The following ARHGEF6 variants were observed in gnomAD, a reference collection of about 807,000 sequenced individuals.
The protein encoded by ARHGEF6 is Rac/Cdc42 guanine nucleotide exchange factor 6.
Under a neutral mutation model 70.3 loss-of-function variants are expected in ARHGEF6, and 9 were observed. The ratio of observed to expected loss-of-function variants is 0.13; its 90% CI spans 0.08 to 0.22. ARHGEF6 has a LOEUF of 0.22. Ranked by LOEUF, ARHGEF6 falls within the 10% of genes least tolerant of loss-of-function variation. ARHGEF6 has a pLI of 1.00. For missense variants in ARHGEF6, 470 were observed against 563.0 expected (o/e 0.83, Z 1.67); for synonymous variants, 201 against 207.8 (o/e 0.97, Z 0.28).
At chrX:136,773,456 G>A (rs748804879) in intron 2 of ARHGEF6, among the ~76,000 whole-genome samples, 3 of 111,995 alleles carry the variant, frequency 2.7e-5, no homozygotes, top group African/African-American at 6.5e-5. Context: ...TGGCTGCTTC[G>A]TGCTCCCCAG....
chrX:136,671,226 T>C, intron 20 of ARHGEF6, among the ~76,000 whole-genome samples: 1 of 112,118 alleles, frequency 8.9e-6, no homozygotes, highest in Non-Finnish European at 1.9e-5. Flanking sequence ...GTCACACAGC[T>C]AATGAGTAGC....
intron 6 of ARHGEF6, among the ~76,000 whole-genome samples, chrX:136,728,949 G>C (rs1032018282): frequency 9.5e-6 from 1 of 105,618 alleles, no homozygotes; most frequent in African/African-American, 3.5e-5. Context: ...TGAGACAGTA[G>C]AGTGTGGAAT....
At chrX:136,699,219 TAAC>T (rs2076541052) in intron 9 of ARHGEF6, among the ~76,000 whole-genome samples, 1 of 110,875 alleles carries the variant, frequency 9.0e-6, no homozygotes, top group African/African-American at 3.3e-5. Flanking sequence ...ATAATAATAA[TAAC>T]AAAAAGGGAA....
intron 9 of ARHGEF6, among the ~76,000 whole-genome samples, chrX:136,701,698 TTTTC>T (rs2076572398): frequency 2.9e-5 from 3 of 104,697 alleles, no homozygotes; most frequent in Non-Finnish European, 5.9e-5. Context: ...AATATTTCAT[TTTTC>T]TTTTTTTTTT....
At chrX:136,727,373 CTTTCTTTCTTTCTTTCTT>C (rs1569410936) in intron 6 of ARHGEF6, among the ~76,000 whole-genome samples, 5 of 70,075 alleles carry the variant, frequency 7.1e-5, no homozygotes, top group South Asian at 8.7e-4. Context: ...TTCTTTCTTT[CTTTCTTTCTTTCTTTCTT>C]TCTTTCTCTC....
intron 3 of ARHGEF6, among the ~76,000 whole-genome samples, chrX:136,746,131 T>C (rs2077093227): frequency 1.8e-5 from 2 of 112,344 alleles, no homozygotes; most frequent in Admixed American, 9.4e-5. Flanking sequence ...AGTAATTTCC[T>C]TGATGCTGTG....
At chrX:136,695,943 T>C (rs916419303) in intron 9 of ARHGEF6, among the ~76,000 whole-genome samples, 1 of 111,805 alleles carries the variant, frequency 8.9e-6, no homozygotes, top group African/African-American at 3.3e-5. Context: ...TATTTTATAC[T>C]TTTTTTCCTA....
intron 7 of ARHGEF6, 140 bp downstream of exon 7, chrX:136,713,136 G>T (rs1885082205): frequency 3.8e-6 from 2 of 519,772 alleles, no homozygotes; most frequent in Admixed American, 5.4e-5. Context: ...CTGTTGCCCT[G>T]ACCATGTTCT....
intron 20 of ARHGEF6, among the ~76,000 whole-genome samples, chrX:136,671,720 C>T (rs774725582): frequency 4.4e-5 from 5 of 112,450 alleles, no homozygotes; most frequent in Non-Finnish European, 5.6e-5. Context: ...TAAACCCATC[C>T]AGGGCATTGA....
Position 136,675,034 on chromosome X carries a change from C to T in ARHGEF6, c.2008G>A (p.Ala670Thr), listed in dbSNP as rs775500896. Residue 670 changes from alanine (A) to threonine (T), a missense_variant, in exon 19 of 22, where the codon GCA (alanine) becomes ACA (threonine). This residue lies in a region of ARHGEF6 where 88 missense variants were observed against 95.5 expected (regional missense o/e 0.92). Coordinates refer to ENST00000250617, the MANE Select transcript of ARHGEF6 (RefSeq NM_004840.3). ...GAGCCATGGCCTTGTTGAAAATTTGCGCTGGTGCAGTAGGCTTCGATCACT... is the reference window on the plus strand; with the variant it reads ...GAGCCATGGCCTTGTTGAAAATTTGTGCTGGTGCAGTAGGCTTCGATCACT... ...LKVIEAYCTS[A>T]NFQQGHGSST... 1 of 1,211,171 alleles carries T rather than the reference C, an allele frequency of 8.3e-7. No individual in the cohort carries two copies. The highest frequency in any genetic ancestry group is 1.8e-5 in the South Asian group (1 of 56,925).
chrX:136,736,618 G>GGTGTGT (rs1556295145), intron 5 of ARHGEF6, among the ~76,000 whole-genome samples: 10 of 103,707 alleles, frequency 9.6e-5, no homozygotes, highest in African/African-American at 2.1e-4. Context: ...GTTAAAAAGA[G>GGTGTGT]GTGTGTGTGT....
At chrX:136,745,767 C>T (rs1251751521) in intron 3 of ARHGEF6, among the ~76,000 whole-genome samples, 2 of 111,926 alleles carry the variant, frequency 1.8e-5, no homozygotes, top group Admixed American at 9.5e-5. Flanking sequence ...ATTTCTTACT[C>T]ACACGTAACA....
chrX:136,729,220 C>T (rs1054953104), intron 6 of ARHGEF6, among the ~76,000 whole-genome samples: 2 of 107,116 alleles, frequency 1.9e-5, no homozygotes, highest in Non-Finnish European at 3.9e-5. Flanking sequence ...GTAATCCCAG[C>T]GCTTTGGGAA....
chrX:136,758,028 A>ATTT (rs1569421949), intron 2 of ARHGEF6, among the ~76,000 whole-genome samples: 26 of 29,709 alleles, frequency 8.8e-4, no homozygotes, highest in Non-Finnish European at 1.3e-3. Context: ...CTAAAAATAA[A>ATTT]TTCTTTTTTT....
chrX:136,713,488 T>C (rs1256684286), intron 6 of ARHGEF6, 118 bp from the exon 7 acceptor site: 17 of 521,693 alleles, frequency 3.3e-5, no homozygotes, highest in Middle Eastern at 5.5e-4. Flanking sequence ...CAGGCTACCA[T>C]TGCAAGCAAG....
In ARHGEF6 at chrX:136,677,921, T is replaced by C. The variant is rs1481399144; in HGVS notation, c.1851+15A>G. The C allele has an allele frequency of 8.4e-7, 1 of 1,188,076 alleles. No homozygotes were observed. Among genetic ancestry groups the C allele is most frequent in the South Asian group, 1.8e-5 (1 of 55,805 alleles). On this transcript the variant is annotated intron_variant, in intron 17 of 21. Coordinates refer to ENST00000250617, the MANE Select transcript of ARHGEF6 (RefSeq NM_004840.3). Reference sequence around the variant, plus strand: ...ATGATGTCACTGTAAGCCAAAGATATTGTACTACCCTTACCTTTAAGATAT... The same window carrying C: ...ATGATGTCACTGTAAGCCAAAGATACTGTACTACCCTTACCTTTAAGATAT...
rs775489071 is a variant in ARHGEF6, at chrX:136,682,791, A to G, written c.1446T>C (p.Ser482=). The G allele has an allele frequency of 2.3e-5, 28 of 1,209,264 alleles. No homozygotes were observed. In the Admixed American group the frequency reaches 5.9e-4, roughly 25 times the overall value. The change falls in exon 13 of 22, where the codon TCT becomes TCC. Residue 482 remains serine (S), a synonymous_variant. Coordinates refer to ENST00000250617, the MANE Select transcript of ARHGEF6 (RefSeq NM_004840.3). Reference sequence around the variant, plus strand: ...TAAAGCCACTCATCCGAGGACTTGCAGATAACATTATCAGGACATTTGAAA... The same window carrying G: ...TAAAGCCACTCATCCGAGGACTTGCGGATAACATTATCAGGACATTTGAAA... The part of the protein sequence containing the change: ...MLFSNVLIML[S]ASPRMSGFIY...
rs1282981188 is a variant in ARHGEF6 at position 136,732,177 on chromosome X, G to C, written c.662-5C>G. 8.4e-7 allele frequency: 1 copy of C among 1,183,519 alleles called. No individual in the cohort carries two copies. The highest frequency in any genetic ancestry group is 1.1e-6 in the Non-Finnish European group (1 of 872,978). ...CTTTTGGGGAGAGAGGTCTCTCTGT[G>C]AAAAAAACATTTAAATTATGTTAAT... On this transcript the variant is annotated splice_polypyrimidine_tract_variant and splice_region_variant and intron_variant, in intron 5 of 21. Coordinates refer to ENST00000250617, the MANE Select transcript of ARHGEF6 (RefSeq NM_004840.3).
chrX:136,706,354 T>C (rs1159727920), intron 9 of ARHGEF6, among the ~76,000 whole-genome samples: 1 of 112,102 alleles, frequency 8.9e-6, no homozygotes, highest in Non-Finnish European at 1.9e-5. Context: ...GCTTTGTAGC[T>C]ACATCATTGC....
Sources: gnomAD v4.1 joint callset for allele counts (sites outside exome capture counted in the v4.1 genomes callset) on GRCh38, gnomAD v4.1.1 for gene constraint, gnomAD v4.1.1 regional missense constraint, MANE v1.5 for transcripts, NCBI Gene and HGNC (gene_info 2026-07-23, HGNC 2026-07-21) for gene names.